Variants in LRBA observed in about 807,000 individuals in gnomAD.
LRBA encodes the protein LPS responsive beige-like anchor protein.
Under a neutral mutation model 330.0 loss-of-function variants are expected in LRBA, and 176 were observed. The observed-to-expected ratio is 0.53, with a 90% confidence interval of 0.47 to 0.60. LRBA has a LOEUF of 0.60. LRBA is among the 20% of genes least tolerant of loss of function. The pLI, the probability that LRBA is intolerant of heterozygous loss-of-function variation, is 0.00. For synonymous variants in LRBA, 1,230 were observed against 1,193.0 expected, an observed-to-expected ratio of 1.03 and a Z score of -0.64; for missense variants, 3,259 against 3,444.8, an observed-to-expected ratio of 0.95 and a Z score of 1.35.
intron 40 of LRBA, among the ~76,000 whole-genome samples, chr4:150,499,147 T>G (rs1759932766): frequency 6.6e-6 from 1 of 152,214 alleles, no homozygotes; most frequent in African/African-American, 2.4e-5. Context: ...AAATAATTTT[T>G]GCACCTTTAT....
intron 40 of LRBA, among the ~76,000 whole-genome samples, chr4:150,536,623 T>C (rs1043556252): frequency 5.3e-5 from 8 of 152,206 alleles, no homozygotes; most frequent in Admixed American, 1.3e-4. Flanking sequence ...ATGAACAGTA[T>C]AAAACAAACT....
At chr4:150,650,264 T>C (rs1299089126) in intron 37 of LRBA, among the ~76,000 whole-genome samples, 1 of 152,206 alleles carries the variant, frequency 6.6e-6, no homozygotes, top group Admixed American at 6.5e-5. Context: ...TTCTTTTTGC[T>C]TTATTAATAT....
chr4:150,557,948 A>C (rs1486930985), intron 40 of LRBA, among the ~76,000 whole-genome samples: 1 of 151,940 alleles, frequency 6.6e-6, no homozygotes, highest in Non-Finnish European at 1.5e-5. Flanking sequence ...CCCAGGCTGG[A>C]GTGTAGTGGC....
At chr4:150,462,443 T>C (rs1754892600) in intron 44 of LRBA, among the ~76,000 whole-genome samples, 1 of 151,820 alleles carries the variant, frequency 6.6e-6, no homozygotes, top group Non-Finnish European at 1.5e-5. Context: ...TAAAGAGATA[T>C]ATTGTACATG....
intron 22 of LRBA, among the ~76,000 whole-genome samples, chr4:150,860,768 C>A (rs1026923319): frequency 6.6e-6 from 1 of 151,552 alleles, no homozygotes; most frequent in African/African-American, 2.4e-5. Flanking sequence ...GCAGAGCTTG[C>A]AGTGAGCCAA....
rs1464690960 is a variant in LRBA, at chr4:150,896,284, T to C, written c.2067+110A>G. 5.1e-6 allele frequency: 3 copies of C among 587,370 alleles called. No individual in the cohort carries two copies. In the African/African-American group the frequency reaches 6.0e-5, roughly 12 times the overall value. The allele number at this position is 587,370 out of a possible 1,614,324, so 36.4% of individuals were successfully genotyped here. A position where few individuals can be genotyped will look rare whatever the true frequency, so the allele number is the denominator to read the frequency against. On this transcript the variant is annotated intron_variant, in intron 16 of 56. Coordinates refer to ENST00000651943, the MANE Select transcript of LRBA (RefSeq NM_001364905.1). ...TTAGTTCCTAAGTAGACACATTTACTCCCCATTACAGTTACATAATTACTG... is the reference window on the plus strand; with the variant it reads ...TTAGTTCCTAAGTAGACACATTTACCCCCCATTACAGTTACATAATTACTG...
chr4:150,989,203 G>A (rs1005777311), intron 2 of LRBA, among the ~76,000 whole-genome samples: 3 of 150,494 alleles, frequency 2.0e-5, no homozygotes, highest in Admixed American at 2.0e-4. Context: ...ATGGGGTTTC[G>A]CCATGTTGGC....
intron 54 of LRBA, among the ~76,000 whole-genome samples, chr4:150,283,379 T>TTTGTTTCTG (rs995598436): frequency 6.6e-6 from 1 of 152,110 alleles, no homozygotes; most frequent in African/African-American, 2.4e-5. Flanking sequence ...AGCCAAGCTT[T>TTTGTTTCTG]TTGTTTCTGT....
At chr4:150,373,172 T>TGTGTGTGTGAGAGAGAGA (rs1283762385) in intron 47 of LRBA, among the ~76,000 whole-genome samples, 1 of 97,458 alleles carries the variant, frequency 1.0e-5, no homozygotes, top group African/African-American at 4.4e-5. Flanking sequence ...TGTGTGTGTG[T>TGTGTGTGTGAGAGAGAGA]GAGAGAGAGA....
chr4:150,584,568 A>G (rs1232805307), intron 40 of LRBA: 1 of 166,830 alleles, frequency 6.0e-6, no homozygotes, highest in African/African-American at 2.4e-5. Context: ...TTTAAAAAAA[A>G]GTTTTACTGA....
chr4:150,927,183 G>A (rs996515959), intron 4 of LRBA, among the ~76,000 whole-genome samples: 7 of 151,838 alleles, frequency 4.6e-5, no homozygotes, highest in African/African-American at 1.7e-4. Flanking sequence ...GACCATCCTG[G>A]CTAACATGGC....
At chr4:150,589,428 A>G (rs964242209) in intron 39 of LRBA, among the ~76,000 whole-genome samples, 9 of 152,228 alleles carry the variant, frequency 5.9e-5, no homozygotes. Flanking sequence ...TGGGCAGCAG[A>G]TAGCTGCAGA....
At chr4:150,991,357 G>C (rs957898878) in intron 2 of LRBA, among the ~76,000 whole-genome samples, 4 of 152,154 alleles carry the variant, frequency 2.6e-5, no homozygotes, top group Admixed American at 2.6e-4. Flanking sequence ...TATTCACCCA[G>C]GAGAAAGGAA....
chr4:150,271,723 G>A (rs570376856), intron 56 of LRBA, among the ~76,000 whole-genome samples: 6 of 152,160 alleles, frequency 3.9e-5, no homozygotes, highest in East Asian at 1.9e-4. Flanking sequence ...TTACCCTCAC[G>A]GTGTAAACAA....
chr4:150,444,187 T>G (rs747257532), intron 44 of LRBA, among the ~76,000 whole-genome samples: 2 of 151,940 alleles, frequency 1.3e-5, no homozygotes, highest in Non-Finnish European at 2.9e-5. Context: ...AAAAGGTAAA[T>G]GTTGTCACCA....
At chr4:150,987,974 C>G (rs1741645545) in intron 2 of LRBA, among the ~76,000 whole-genome samples, 3 of 150,412 alleles carry the variant, frequency 2.0e-5, no homozygotes, top group Admixed American at 2.0e-4. Context: ...TTCACTACAG[C>G]CTGGGTGACA....
chr4:150,998,997 C>T (rs1743025213), intron 2 of LRBA, among the ~76,000 whole-genome samples: 1 of 152,162 alleles, frequency 6.6e-6, no homozygotes, highest in African/African-American at 2.4e-5. Flanking sequence ...CCTTAGACTT[C>T]CAGCAGATAA....
At chr4:150,330,444 G>A (rs1177057437) in intron 48 of LRBA, among the ~76,000 whole-genome samples, 3 of 152,112 alleles carry the variant, frequency 2.0e-5, no homozygotes, top group Non-Finnish European at 4.4e-5. Flanking sequence ...TAAGGCACTG[G>A]TCCCCAAACT....
chr4:150,823,558 T>C lies in LRBA; in HGVS notation c.5171+4622A>G, dbSNP rs563448263. On this transcript the variant is annotated intron_variant, in intron 30 of 56. Transcript: ENST00000651943. ...CCCCAGATTAATGTCCTGGAGAGTT[T>C]TTCCAATGATTTTTTTTCAGTAGTT... 3.6e-4 allele frequency among the ~76,000 whole-genome samples: 55 copies of C among 152,312 alleles called. 1 individual carries two copies. The highest frequency in any genetic ancestry group is 2.0e-3 in the Admixed American group (30 of 15,276).
Sources: allele counts gnomAD v4.1 joint callset (sites outside exome capture counted in the v4.1 genomes callset), GRCh38; gene constraint gnomAD v4.1.1; transcripts MANE v1.5; gene names NCBI Gene and HGNC (gene_info 2026-07-23, HGNC 2026-07-21).